Variants in UGT1A9 observed in about 807,000 individuals in gnomAD.
The protein encoded by UGT1A9 is UDP glucuronosyltransferase family 1 member A9, also known as UDP-glucuronosyltransferase 1A9.
A neutral mutation model predicts 45.0 loss-of-function variants in UGT1A9; 35 were observed. That is an observed-to-expected ratio of 0.78 (90% CI 0.59 to 1.03). The LOEUF (loss-of-function observed/expected upper bound fraction) is 1.03, where lower values mean the gene tolerates loss of function less well. UGT1A9 is among the 50% of genes least tolerant of loss of function. The pLI is 0.00. For synonymous variants in UGT1A9, 278 were observed against 250.6 expected (o/e 1.11, Z -1.03); for missense variants, 687 against 666.6 (o/e 1.03, Z -0.34).
chr2:233,752,292 T>A (rs1364554395), intron 1 of UGT1A9: 1 of 152,220 alleles, frequency 6.6e-6, no homozygotes, highest in Non-Finnish European at 1.5e-5. Flanking sequence ...CACAGGGTCA[T>A]GCCTTTCCTT....
chr2:233,681,891 A>G (rs1417339662), intron 1 of UGT1A9: 3 of 1,585,570 alleles, frequency 1.9e-6, no homozygotes, highest in Non-Finnish European at 2.6e-6. Context: ...TTACTATATT[A>G]TAGGAGCTTA....
intron 1 of UGT1A9, chr2:233,729,470 C>T (rs746048603): frequency 1.9e-6 from 3 of 1,614,122 alleles, no homozygotes; most frequent in Admixed American, 1.7e-5. Flanking sequence ...AGAAGTATGG[C>T]AATGTTGAAC....
At chr2:233,747,242 T>C (rs985835805) in intron 1 of UGT1A9, 31 of 1,603,322 alleles carry the variant, frequency 1.9e-5, no homozygotes, top group African/African-American at 5.4e-5. Flanking sequence ...GTTCCCCTGC[T>C]GTGGCTGGCC....
intron 1 of UGT1A9, chr2:233,760,621 A>G: frequency 1.9e-6 from 3 of 1,614,194 alleles, no homozygotes; most frequent in Non-Finnish European, 2.5e-6. Context: ...TGTGATCAAA[A>G]CATACAAGAA....
chr2:233,736,864 A>G lies in UGT1A9; in HGVS notation c.856-30170A>G, dbSNP rs948375151. On this transcript the variant is annotated intron_variant, in intron 1 of 4. Transcript: ENST00000354728. ...ACCAGTGGAGGCTGCAGAACAGCAA[A>G]TATTGCAGAACAGCAAATATTGCTG... Among the ~76,000 whole-genome samples, 4 of 152,194 alleles carry G rather than the reference A, an allele frequency of 2.6e-5. No homozygotes were observed. The East Asian group carries it at 7.7e-4, about 29-fold the overall frequency.
intron 1 of UGT1A9, among the ~76,000 whole-genome samples, chr2:233,764,157 G>A (rs1698491746): frequency 6.6e-6 from 1 of 152,190 alleles, no homozygotes; most frequent in African/African-American, 2.4e-5. Flanking sequence ...GGCTGGTGAA[G>A]TCTCATCAGA....
chr2:233,734,126 AG>A (rs1325771247), intron 1 of UGT1A9, among the ~76,000 whole-genome samples: 3 of 151,608 alleles, frequency 2.0e-5, no homozygotes, highest in Non-Finnish European at 4.4e-5. Context: ...AATAATAAAA[AG>A]AATTTGGCTG....
chr2:233,685,177 C>T (rs1351794584), intron 1 of UGT1A9, among the ~76,000 whole-genome samples: 1 of 152,014 alleles, frequency 6.6e-6, no homozygotes, highest in African/African-American at 2.4e-5. Context: ...GATCATCATT[C>T]AGGAGAACAT....
Position 233,760,797 on chromosome 2 carries a change from C to A in UGT1A9, c.856-6237C>A, listed in dbSNP as rs780028785. 1.9e-6 allele frequency: 3 copies of A among 1,613,492 alleles called. No individual in the cohort carries two copies. The highest frequency in any genetic ancestry group is 1.1e-5 in the South Asian group (1 of 91,076). The stretch of plus-strand genomic sequence containing the variant: ...AGTACCTGTCTCTGCCCACTGTATT[C>A]TTCTTGCATGCACTGCCATGCAGCC... On this transcript the variant is annotated intron_variant, in intron 1 of 4. Coordinates refer to ENST00000354728, the MANE Select transcript of UGT1A9 (RefSeq NM_021027.3).
intron 1 of UGT1A9, among the ~76,000 whole-genome samples, chr2:233,764,664 G>A (rs1266153786): frequency 6.6e-6 from 1 of 152,094 alleles, no homozygotes; most frequent in African/African-American, 2.4e-5. Flanking sequence ...ATTTACCAAC[G>A]CTCAGAAGAA....
intron 1 of UGT1A9, among the ~76,000 whole-genome samples, chr2:233,739,319 A>G (rs1691051030): frequency 3.3e-5 from 5 of 152,150 alleles, no homozygotes; most frequent in Admixed American, 3.3e-4. Flanking sequence ...AGTTGTGAGA[A>G]GAAGGCCACA....
intron 1 of UGT1A9, among the ~76,000 whole-genome samples, chr2:233,717,462 T>A (rs1357156698): frequency 6.6e-6 from 1 of 152,152 alleles, no homozygotes; most frequent in Non-Finnish European, 1.5e-5. Flanking sequence ...GCCTGTCCCA[T>A]GGGTTGTGTC....
chr2:233,767,285 T>G, intron 2 of UGT1A9, 120 bp downstream of exon 2: 4 of 1,569,258 alleles, frequency 2.5e-6, no homozygotes, highest in Non-Finnish European at 3.4e-6. Flanking sequence ...CCCTGCCACT[T>G]CCCAACTATT....
intron 4 of UGT1A9, chr2:233,771,391 T>C (rs562546600): frequency 6.6e-6 from 1 of 152,294 alleles, no homozygotes; most frequent in East Asian, 1.9e-4. Flanking sequence ...GATGTTCTGA[T>C]TGGGCAATGA....
intron 1 of UGT1A9, among the ~76,000 whole-genome samples, chr2:233,752,133 G>T (rs1347949695): frequency 6.6e-6 from 1 of 152,170 alleles, no homozygotes; most frequent in African/African-American, 2.4e-5. Context: ...TGGACAGAAA[G>T]GATCATTCCC....
chr2:233,682,903 CT>C, intron 1 of UGT1A9: 1 of 1,501,494 alleles, frequency 6.7e-7, no homozygotes, highest in South Asian at 1.4e-5. Context: ...GAATTTCTTT[CT>C]GGTTTAAGGA....
chr2:233,738,962 C>A (rs2125819813), intron 1 of UGT1A9: 1 of 152,334 alleles, frequency 6.6e-6, no homozygotes, highest in Admixed American at 6.5e-5. Flanking sequence ...GGGTCCAGGC[C>A]CCCACTGCTG....
At chr2:233,676,838 T>G (rs776513822) in intron 1 of UGT1A9, among the ~76,000 whole-genome samples, 4 of 152,304 alleles carry the variant, frequency 2.6e-5, no homozygotes, top group Admixed American at 6.5e-5. Context: ...ACAGAACCTT[T>G]TCTCCACTGC....
chr2:233,773,036 G>A lies in UGT1A9; in HGVS notation c.*477G>A. ...TGCCACCTTGTGTGTTTAAAGAAGG[G>A]AAGCTTTGTACCTTTAGAGTGTAGG... On this transcript the variant is annotated 3_prime_UTR_variant, in exon 5 of 5. Coordinates refer to ENST00000354728, the MANE Select transcript of UGT1A9 (RefSeq NM_021027.3). 1 of 196,980 alleles carries A rather than the reference G, an allele frequency of 5.1e-6. No individual in the cohort carries two copies. Among genetic ancestry groups the A allele is most frequent in the South Asian group, 9.8e-5 (1 of 10,240 alleles). The allele number at this position is 196,980 out of a possible 1,614,324, so 12.2% of individuals were successfully genotyped here. A position where few individuals can be genotyped will look rare whatever the true frequency, so the allele number is the denominator to read the frequency against.
Sources: allele counts gnomAD v4.1 joint callset (sites outside exome capture counted in the v4.1 genomes callset), GRCh38; gene constraint gnomAD v4.1.1; transcripts MANE v1.5; gene names NCBI Gene and HGNC (gene_info 2026-07-23, HGNC 2026-07-21).